Variants in SOX5 observed in about 807,000 individuals in gnomAD.
The protein encoded by SOX5 is transcription factor SOX-5.
Under a neutral mutation model 92.0 loss-of-function variants are expected in SOX5, and 9 were observed. That is an observed-to-expected ratio of 0.10 (90% confidence interval 0.06 to 0.17). SOX5 has a LOEUF of 0.17. Among genes scored for constraint, SOX5 ranks in the 10% least tolerant of loss-of-function variants. The pLI, the probability that SOX5 is intolerant of heterozygous loss-of-function variation, is 1.00. For missense variants in SOX5, 642 were observed against 944.5 expected (o/e 0.68, Z 4.20); for synonymous variants, 344 against 336.3 (o/e 1.02, Z -0.25).
In SOX5 at chr12:24,494,527, C is replaced by T. The variant is rs1947419607; in HGVS notation, c.-251+67802G>A. Among the ~76,000 whole-genome samples, 5 of 152,132 alleles carry T rather than the reference C, an allele frequency of 3.3e-5. No individual in the cohort carries two copies. The South Asian group carries it at 1.0e-3, about 32-fold the overall frequency. ...ACTAAGATATGGAAAGGTTACAAAA[C>T]TTAGCTGAAGTCACACCATAAGTGA... On this transcript the variant is annotated intron_variant, in intron 1 of 4. Transcript: ENST00000446891.
At chr12:24,089,351 A>G (rs968676390) in intron 4 of SOX5, among the ~76,000 whole-genome samples, 1 of 152,124 alleles carries the variant, frequency 6.6e-6, no homozygotes, top group African/African-American at 2.4e-5. Flanking sequence ...GTCATTACAA[A>G]TGATAGCTTT....
At chr12:23,620,649 A>AT (rs1566423288) in intron 8 of SOX5, among the ~76,000 whole-genome samples, 5 of 152,110 alleles carry the variant, frequency 3.3e-5, no homozygotes, top group African/African-American at 1.2e-4. Context: ...TCACTACCCC[A>AT]ACACATATAA....
At chr12:24,240,426 T>A (rs1965351006) in intron 3 of SOX5, among the ~76,000 whole-genome samples, 1 of 152,206 alleles carries the variant, frequency 6.6e-6, no homozygotes, top group African/African-American at 2.4e-5. Context: ...TACTTTTCCG[T>A]ACAAAGATGC....
chr12:24,266,658 A>C (rs538147753), intron 3 of SOX5, among the ~76,000 whole-genome samples: 24 of 152,280 alleles, frequency 1.6e-4, no homozygotes, highest in African/African-American at 5.8e-4. Flanking sequence ...ATTTCTATTC[A>C]TTTGTAAGCA....
At chr12:23,663,270 C>T (rs1047506846) in intron 7 of SOX5, among the ~76,000 whole-genome samples, 1 of 151,962 alleles carries the variant, frequency 6.6e-6, no homozygotes, top group African/African-American at 2.4e-5. Flanking sequence ...TCCAAGGTTA[C>T]AAAAGAAGGG....
At chr12:24,399,051 T>TG (rs1331366780) in intron 1 of SOX5, among the ~76,000 whole-genome samples, 2 of 152,178 alleles carry the variant, frequency 1.3e-5, no homozygotes, top group Non-Finnish European at 2.9e-5. Flanking sequence ...TTCTCCCTTT[T>TG]TTGGACCCCC....
At chr12:23,979,814 C>T (rs924005203) in intron 4 of SOX5, among the ~76,000 whole-genome samples, 1 of 139,788 alleles carries the variant, frequency 7.2e-6, no homozygotes, top group Admixed American at 7.9e-5. Flanking sequence ...AACCTCTAGG[C>T]TCAAGCAATC....
chr12:24,401,013 A>G (rs985254225), intron 1 of SOX5, among the ~76,000 whole-genome samples: 2 of 152,150 alleles, frequency 1.3e-5, no homozygotes, highest in Admixed American at 6.5e-5. Context: ...TGAACTCCCA[A>G]TTAAGAAAAA....
chr12:23,770,118 A>G (rs780494844), intron 3 of SOX5, among the ~76,000 whole-genome samples: 21 of 150,292 alleles, frequency 1.4e-4, no homozygotes, highest in Non-Finnish European at 2.7e-4. Context: ...TCAAAGAACA[A>G]TTTGCTTCAT....
intron 1 of SOX5, among the ~76,000 whole-genome samples, chr12:24,513,077 G>C (rs1949471647): frequency 6.6e-6 from 1 of 152,168 alleles, no homozygotes; most frequent in Non-Finnish European, 1.5e-5. Flanking sequence ...CTGGGCAGTA[G>C]CAGTGAGCCG....
intron 3 of SOX5, among the ~76,000 whole-genome samples, chr12:23,810,696 G>A (rs1410880424): frequency 6.6e-6 from 1 of 152,074 alleles, no homozygotes; most frequent in South Asian, 2.1e-4. Flanking sequence ...GCAGCAGGGG[G>A]CTGGTCAGCC....
chr12:24,182,924 G>A (rs983944299), intron 4 of SOX5, among the ~76,000 whole-genome samples: 38 of 152,248 alleles, frequency 2.5e-4, no homozygotes, highest in African/African-American at 8.4e-4. Flanking sequence ...ATGTTCACCA[G>A]GCTGATCTTG....
chr12:23,968,830 T>C (rs548001662), intron 4 of SOX5, among the ~76,000 whole-genome samples: 17 of 152,326 alleles, frequency 1.1e-4, no homozygotes, highest in Admixed American at 5.2e-4. Context: ...TATTGTTTCT[T>C]CTACGCTCAA....
chr12:24,374,745 G>A (rs1957079647), intron 1 of SOX5, among the ~76,000 whole-genome samples: 1 of 152,152 alleles, frequency 6.6e-6, no homozygotes, highest in South Asian at 2.1e-4. Flanking sequence ...AGGACACAGA[G>A]GTCAACTCAA....
At chr12:24,019,661 A>G (rs1011031720) in intron 4 of SOX5, among the ~76,000 whole-genome samples, 2 of 152,200 alleles carry the variant, frequency 1.3e-5, no homozygotes, top group African/African-American at 4.8e-5. Context: ...GGTAGGAGTA[A>G]GTTACCTGTG....
intron 1 of SOX5, among the ~76,000 whole-genome samples, chr12:23,903,363 T>C (rs2097257053): frequency 1.3e-5 from 2 of 152,274 alleles, no homozygotes; most frequent in Admixed American, 6.5e-5. Flanking sequence ...GGCAGGAAGA[T>C]TCCTTGAGCC....
chr12:23,605,285 G>A (rs2075101568), intron 8 of SOX5, among the ~76,000 whole-genome samples: 1 of 151,818 alleles, frequency 6.6e-6, no homozygotes, highest in Non-Finnish European at 1.5e-5. Context: ...CTTTGATAAT[G>A]ATAGCCGTAT....
At chr12:24,466,093 A>G (rs1023733408) in intron 1 of SOX5, among the ~76,000 whole-genome samples, 1 of 152,224 alleles carries the variant, frequency 6.6e-6, no homozygotes, top group Non-Finnish European at 1.5e-5. Flanking sequence ...GAAGAAAAAA[A>G]TAAGAAAGAG....
At chr12:23,557,946 A>T (rs1271651398) in intron 11 of SOX5, among the ~76,000 whole-genome samples, 1 of 146,594 alleles carries the variant, frequency 6.8e-6, no homozygotes, top group Non-Finnish European at 1.5e-5. Context: ...ATTGCACTCC[A>T]GCCTGGGTGA....
Sources: allele counts gnomAD v4.1 joint callset (sites outside exome capture counted in the v4.1 genomes callset), GRCh38; gene constraint gnomAD v4.1.1; transcripts MANE v1.5; gene names NCBI Gene and HGNC (gene_info 2026-07-23, HGNC 2026-07-21).